SYBU: variants seen among roughly 807,000 people sequenced by gnomAD.
The protein encoded by SYBU is GOLSYN A protein.
Under a neutral mutation model 35.9 loss-of-function variants are expected in SYBU, and 21 were observed. The ratio of observed to expected loss-of-function variants is 0.58; its 90% confidence interval spans 0.41 to 0.84. The LOEUF is 0.84. Among genes scored for constraint, SYBU ranks in the 40% least tolerant of loss-of-function variants. SYBU has a pLI of 0.00. For missense variants in SYBU, 768 were observed against 848.2 expected, an observed-to-expected ratio of 0.91 and a Z score of 1.17; for synonymous variants, 319 against 324.3, an observed-to-expected ratio of 0.98 and a Z score of 0.18.
At chr8:109,684,631 T>C (rs139818030), upstream of SYBU, among the ~76,000 whole-genome samples, 20 of 152,368 alleles carry the variant, frequency 1.3e-4, no homozygotes, top group South Asian at 8.3e-4. Flanking sequence ...AGTCTTTGGC[T>C]GAACTTCATG....
At chr8:109,599,571 GT>G (rs1174597817) in intron 3 of SYBU, among the ~76,000 whole-genome samples, 2 of 152,146 alleles carry the variant, frequency 1.3e-5, no homozygotes, top group Non-Finnish European at 2.9e-5. Context: ...AAATCTGTCT[GT>G]TTAGTAACTG....
chr8:109,596,088 C>T (rs1187123143), intron 3 of SYBU, among the ~76,000 whole-genome samples: 2 of 152,148 alleles, frequency 1.3e-5, no homozygotes, highest in Non-Finnish European at 2.9e-5. Flanking sequence ...TCTTGATCTC[C>T]ATTTAGAGGC....
intron 5 of SYBU, among the ~76,000 whole-genome samples, chr8:109,578,436 A>G (rs890786566): frequency 2.0e-5 from 3 of 152,210 alleles, no homozygotes; most frequent in African/African-American, 2.4e-5. Context: ...AGCCACCCAC[A>G]TTGACCCAGA....
chr8:109,618,242 T>C (rs11989234), intron 3 of SYBU, among the ~76,000 whole-genome samples: 4 of 152,246 alleles, frequency 2.6e-5, no homozygotes, highest in Non-Finnish European at 5.9e-5. Flanking sequence ...ATTCTGAGAA[T>C]TGACCTTTTC....
intron 6 of SYBU, 84 bp downstream of exon 6, chr8:109,577,784 A>T: frequency 5.8e-6 from 8 of 1,377,170 alleles, no homozygotes; most frequent in African/African-American, 2.9e-5. Context: ...TTTCTTTTCT[A>T]TCTTTCTATA....
At chr8:109,648,776 G>T (rs1004469201), upstream of SYBU, 1 of 151,704 alleles carries the variant, frequency 6.6e-6, no homozygotes, top group African/African-American at 2.4e-5. Flanking sequence ...AAGAGCTGCT[G>T]TCTCTCTCGG....
upstream of SYBU, among the ~76,000 whole-genome samples, chr8:109,649,355 G>A (rs1009863983): frequency 6.6e-6 from 1 of 152,070 alleles, no homozygotes; most frequent in African/African-American, 2.4e-5. Flanking sequence ...GAGGTACTTT[G>A]ATGCTGTAAA....
intron 3 of SYBU, among the ~76,000 whole-genome samples, chr8:109,605,541 A>G (rs1477662456): frequency 6.6e-6 from 1 of 152,228 alleles, no homozygotes; most frequent in African/African-American, 2.4e-5. Flanking sequence ...CAGGGAAAAC[A>G]GAAGGAAAGA....
chr8:109,635,662 T>C (rs1289305470), intron 2 of SYBU, among the ~76,000 whole-genome samples: 2 of 152,190 alleles, frequency 1.3e-5, no homozygotes, highest in East Asian at 1.9e-4. Context: ...TCACCTTCCA[T>C]TTATAGTTGG....
In SYBU at chr8:109,691,549, C is replaced by G. The variant is rs1817646615; in HGVS notation, c.-274G>C. 2.2e-6 allele frequency: 1 copy of G among 450,124 alleles called. No homozygotes were observed. Among genetic ancestry groups the G allele is most frequent in the South Asian group, 4.4e-5 (1 of 22,808 alleles). 27.9% of individuals were successfully genotyped at this position (450,124 alleles called of 1,614,324 possible). A position where few individuals can be genotyped will look rare whatever the true frequency, so the allele number is the denominator to read the frequency against. On this transcript the variant is annotated 5_prime_UTR_variant, in exon 1 of 8. Coordinates refer to the SYBU transcript ENST00000422135. This position sits in a 1 kb window ranked among gnomAD's most constrained non-coding sequence, Gnocchi z 4.7. Reference sequence around the variant, plus strand: ...CGCGGAATCCCTTGCGCTCCGGTGCCCTCGGCCCCTCGGCCTCTGCAGCCA... The same window carrying G: ...CGCGGAATCCCTTGCGCTCCGGTGCGCTCGGCCCCTCGGCCTCTGCAGCCA...
chr8:109,605,345 G>A (rs1015545057), intron 3 of SYBU, among the ~76,000 whole-genome samples: 1 of 152,178 alleles, frequency 6.6e-6, no homozygotes, highest in Non-Finnish European at 1.5e-5. Context: ...TAGGCCATCT[G>A]AGTGATATTG....
At chr8:109,649,027 A>C (rs1312815792), upstream of SYBU, 3 of 115,208 alleles carry the variant, frequency 2.6e-5, no homozygotes, top group East Asian at 5.2e-4. Context: ...TTGGAGACAG[A>C]GTCTCACTCT....
At position 109,575,915 on chromosome 8, in the gene SYBU, T is replaced by C; in HGVS notation, c.983A>G (p.Lys328Arg). ...CTGTTTAATCTCTTTCCTGGCTTCT[T>C]TGAGTGCCAACTGGGCCTCTACCCG... The part of the protein sequence containing the change: ...CHRVEAQLAL[K>R]EARKEIKQLK... The change falls in exon 7 of 7, where the codon AAA becomes AGA. Residue 328 changes from lysine to arginine, a missense_variant. Transcript: ENST00000276646. 6.2e-7 allele frequency: 1 copy of C among 1,613,966 alleles called. No individual in the cohort carries two copies. The highest frequency in any genetic ancestry group is 8.5e-7 in the Non-Finnish European group (1 of 1,180,006).
At chr8:109,603,674 A>G (rs2130101128) in intron 3 of SYBU, among the ~76,000 whole-genome samples, 1 of 152,332 alleles carries the variant, frequency 6.6e-6, no homozygotes, top group East Asian at 1.9e-4. Context: ...AGGACCATCA[A>G]AGAGTGTTTG....
chr8:109,666,275 T>G (rs1035821213), intron 1 of SYBU, among the ~76,000 whole-genome samples: 1 of 152,190 alleles, frequency 6.6e-6, no homozygotes. Context: ...CACTATTAAC[T>G]TATTGGGCTG....
chr8:109,621,778 G>A (rs1192972589), intron 2 of SYBU, among the ~76,000 whole-genome samples: 3 of 152,142 alleles, frequency 2.0e-5, no homozygotes, highest in Non-Finnish European at 4.4e-5. Context: ...AAGAAGCCTG[G>A]GGCATTTGCC....
chr8:109,662,799 G>A (rs371417717), intron 1 of SYBU, among the ~76,000 whole-genome samples: 2 of 152,000 alleles, frequency 1.3e-5, no homozygotes, highest in African/African-American at 4.8e-5. Context: ...CAGAGTATAG[G>A]TTCCACAAAA....
At chr8:109,622,458 C>G (rs1479613329) in intron 2 of SYBU, among the ~76,000 whole-genome samples, 1 of 152,154 alleles carries the variant, frequency 6.6e-6, no homozygotes, top group Non-Finnish European at 1.5e-5. Flanking sequence ...GCCTTGAACT[C>G]CTGGCCTCAA....
chr8:109,686,377 C>G (rs900905995), intron 1 of SYBU, among the ~76,000 whole-genome samples: 1 of 152,154 alleles, frequency 6.6e-6, no homozygotes, highest in African/African-American at 2.4e-5. Flanking sequence ...AAAGTTTACG[C>G]TTTCAAACCC....
Sources: allele counts gnomAD v4.1 joint callset (sites outside exome capture counted in the v4.1 genomes callset), GRCh38; gene constraint gnomAD v4.1.1; non-coding constraint Gnocchi (gnomAD v3.1); transcripts MANE v1.5; gene names NCBI Gene and HGNC (gene_info 2026-07-23, HGNC 2026-07-21).